The following IL15 variants were observed in gnomAD, a reference collection of about 807,000 sequenced individuals.
IL15 encodes the protein interleukin-15.
IL15 carries 11 observed loss-of-function variants against 19.6 expected under a neutral mutation model. The ratio of observed to expected loss-of-function variants is 0.56; its 90% CI spans 0.35 to 0.93. The LOEUF (loss-of-function observed/expected upper bound fraction) is 0.93. IL15 is among the 40% of genes least tolerant of loss of function. IL15 has a pLI of 0.01. For synonymous variants in IL15, 58 were observed against 59.6 expected, an observed-to-expected ratio of 0.97 and a Z score of 0.12; for missense variants, 197 against 186.5, an observed-to-expected ratio of 1.06 and a Z score of -0.33.
chr4:141,721,432 A>G (rs1162955192), intron 4 of IL15: 5 of 622,986 alleles, frequency 8.0e-6, no homozygotes, highest in Non-Finnish European at 1.5e-5. Context: ...AAGCATAGTA[A>G]GAGTGTGAGC....
At chr4:141,691,655 C>T (rs1228131009) in intron 2 of IL15, among the ~76,000 whole-genome samples, 1 of 152,178 alleles carries the variant, frequency 6.6e-6, no homozygotes, top group Non-Finnish European at 1.5e-5. Context: ...ACTCTTAAAG[C>T]TCCAAAATGA....
At chr4:141,686,634 A>G (rs1391095238) in intron 2 of IL15, among the ~76,000 whole-genome samples, 1 of 152,218 alleles carries the variant, frequency 6.6e-6, no homozygotes, top group Non-Finnish European at 1.5e-5. Context: ...TGCCTAACAC[A>G]TCATAGGCAA....
rs752273811 is a variant in IL15 at position 141,729,966 on chromosome 4, C to T, written c.360C>T (p.Asn120=). ...TVENLIILAN[N]SLSSNGNVTE... is the part of the protein sequence containing the mutation. ...AAAATCTGATCATCCTAGCAAACAA[C>T]AGTTTGTCTTCTAATGGGGTGAGTT... The change falls in exon 7 of 8, where the codon AAC becomes AAT. Residue 120 remains asparagine, a synonymous_variant. Transcript: ENST00000320650. The T allele has an allele frequency of 6.2e-6, 10 of 1,609,050 alleles. No individual in the cohort carries two copies. The highest frequency in any genetic ancestry group is 8.5e-7 in the Non-Finnish European group (1 of 1,175,814).
rs1268866919 is a variant in IL15, at chr4:141,729,921, A to G, written c.315A>G (p.Ala105=). 6.3e-7 allele frequency: 1 copy of G among 1,592,658 alleles called. No individual in the cohort carries two copies. The highest frequency in any genetic ancestry group is 1.1e-5 in the South Asian group (1 of 90,630). ...TTATTTCACTTGAGTCCGGAGATGC[A>G]AGTATTCATGATACAGTAGAAAATC... ...LQVISLESGD[A]SIHDTVENLI... Residue 105 remains alanine (A), a synonymous_variant, in exon 7 of 8, where the codon GCA becomes GCG. Coordinates refer to ENST00000320650, the MANE Select transcript of IL15 (RefSeq NM_000585.5).
At chr4:141,719,307 C>A in intron 2 of IL15, 59 bp from the exon 3 acceptor site, 2 of 546,840 alleles carry the variant, frequency 3.7e-6, no homozygotes, top group Non-Finnish European at 6.6e-6. Flanking sequence ...TATTAATTCC[C>A]TCCCTTTCTT....
At chr4:141,676,278 C>T (rs930077133) in intron 2 of IL15, among the ~76,000 whole-genome samples, 1 of 152,148 alleles carries the variant, frequency 6.6e-6, no homozygotes, top group Non-Finnish European at 1.5e-5. Flanking sequence ...AAAAGATAAA[C>T]ACCAGCTGCC....
chr4:141,693,080 G>T lies in IL15; in HGVS notation c.-99-26286G>T, dbSNP rs1486110535. Among the ~76,000 whole-genome samples the T allele has an allele frequency of 2.1e-5, 3 of 144,702 alleles. No individual in the cohort carries two copies. The Middle Eastern group carries it at 0.011, about 532-fold the overall frequency. The allele number at this position is 144,702 out of a possible 152,430, so 94.9% of individuals were successfully genotyped here. On this transcript the variant is annotated intron_variant, in intron 2 of 7. Coordinates refer to ENST00000320650, the MANE Select transcript of IL15 (RefSeq NM_000585.5). ...GGCTGGGTAGTTTATAAATCAAAGAGGTTTAACTGACTCACATTTCTACGT... is the reference window on the plus strand; with the variant it reads ...GGCTGGGTAGTTTATAAATCAAAGATGTTTAACTGACTCACATTTCTACGT...
intron 2 of IL15, among the ~76,000 whole-genome samples, chr4:141,664,903 A>G (rs1727919282): frequency 6.6e-6 from 1 of 152,066 alleles, no homozygotes; most frequent in Admixed American, 6.5e-5. Context: ...ACAAATTTGC[A>G]ATTCCTTTAT....
chr4:141,672,248 T>C (rs1728199508), intron 2 of IL15, among the ~76,000 whole-genome samples: 1 of 152,214 alleles, frequency 6.6e-6, no homozygotes, highest in Non-Finnish European at 1.5e-5. Flanking sequence ...TATTACACTG[T>C]CTTCATTTTT....
At chr4:141,713,803 G>A (rs996624033) in intron 2 of IL15, among the ~76,000 whole-genome samples, 1 of 152,016 alleles carries the variant, frequency 6.6e-6, no homozygotes, top group African/African-American at 2.4e-5. Context: ...AAAATTTCCT[G>A]GACAAATCTC....
intron 2 of IL15, among the ~76,000 whole-genome samples, chr4:141,691,144 G>A (rs1439614172): frequency 1.4e-5 from 2 of 146,520 alleles, no homozygotes; most frequent in Non-Finnish European, 2.9e-5. Context: ...TGGCAGGAGC[G>A]ATAGAACATG....
chr4:141,647,690 G>C (rs2152153931), intron 1 of IL15, among the ~76,000 whole-genome samples: 1 of 152,060 alleles, frequency 6.6e-6, no homozygotes, highest in East Asian at 1.9e-4. Context: ...TGCTCTGTCT[G>C]CTGCTCTCTA....
Sources: gnomAD v4.1 joint callset for allele counts (sites outside exome capture counted in the v4.1 genomes callset) on GRCh38, gnomAD v4.1.1 for gene constraint, MANE v1.5 for transcripts, NCBI Gene and HGNC (gene_info 2026-07-23, HGNC 2026-07-21) for gene names.